MRE11: variants seen among roughly 807,000 people sequenced by gnomAD.
MRE11 encodes double-strand break repair protein MRE11.
MRE11 carries 62 observed loss-of-function variants against 91.7 expected under a neutral mutation model. The ratio of observed to expected loss-of-function variants is 0.68; its 90% CI spans 0.55 to 0.84. MRE11 has a LOEUF of 0.84. MRE11 is among the 40% of genes least tolerant of loss of function. The pLI is 0.00. For synonymous variants in MRE11, 273 were observed against 271.4 expected (o/e 1.01, Z -0.06); for missense variants, 796 against 852.9 (o/e 0.93, Z 0.83).
At position 94,467,881 on chromosome 11, in the gene MRE11, G is replaced by A. The variant is rs1591688448; in HGVS notation, c.1030C>T (p.Leu344Phe). The change falls in exon 10 of 20, where the codon CTT becomes TTT. Residue 344 changes from leucine to phenylalanine, a missense_variant. Leu to Phe is a conservative substitution (Grantham distance 22, BLOSUM62 0). Coordinates refer to ENST00000323929, the MANE Select transcript of MRE11 (RefSeq NM_005591.4). ...SFCLEKIEEM[L>F]ENAERERLGN... ...AGACGTTCCCGTTCAGCATTTTCAA[G>A]CATTTCTTCAATCTCAAAATTTTTA... The A allele has an allele frequency of 1.2e-5, 19 of 1,613,522 alleles. No individual in the cohort carries two copies. The highest frequency in any genetic ancestry group is 1.6e-5 in the Non-Finnish European group (19 of 1,179,710).
intron 18 of MRE11, among the ~76,000 whole-genome samples, chr11:94,434,390 C>A (rs1160355584): frequency 6.6e-6 from 1 of 152,016 alleles, no homozygotes; most frequent in Admixed American, 6.6e-5. Flanking sequence ...CCCTCTCAGA[C>A]TCAACCATAC....
the MRE11 span, among the ~76,000 whole-genome samples, chr11:94,507,738 G>T: frequency 1.3e-5 from 2 of 152,090 alleles, no homozygotes; most frequent in East Asian, 1.9e-4. Context: ...GGTGACTAAT[G>T]ATGTGAAGCA....
chr11:94,477,486 C>T (rs1946893398), intron 6 of MRE11, among the ~76,000 whole-genome samples: 1 of 152,072 alleles, frequency 6.6e-6, no homozygotes, highest in African/African-American at 2.4e-5. Context: ...AAAGGGTGGA[C>T]AACACTGCTA....
chr11:94,494,506 G>A (rs1048387685), upstream of MRE11, among the ~76,000 whole-genome samples: 1 of 152,144 alleles, frequency 6.6e-6, no homozygotes, highest in African/African-American at 2.4e-5. Flanking sequence ...AAGGTTTATA[G>A]CCCCGCCTAT....
chr11:94,452,196 C>CA (rs35238737), intron 14 of MRE11, among the ~76,000 whole-genome samples: 39,615 of 94,274 alleles, frequency 0.42, 6,195 homozygotes, highest in Middle Eastern at 0.53. Flanking sequence ...GACTTTGCCT[C>CA]AAAAAAAAAA....
intron 17 of MRE11, among the ~76,000 whole-genome samples, chr11:94,436,753 C>T (rs1305090059): frequency 6.6e-6 from 1 of 152,186 alleles, no homozygotes; most frequent in Non-Finnish European, 1.5e-5. Context: ...ACATGGATCG[C>T]TGGACTCCAG....
At position 94,459,574 on chromosome 11, in the gene MRE11, T is replaced by C. The variant is rs371730091; in HGVS notation, c.1334A>G (p.Gln445Arg). Residue 445 changes from glutamine (Q) to arginine (R), a missense_variant, in exon 13 of 20, where the codon CAG (glutamine) becomes CGG (arginine). Coordinates refer to ENST00000323929, the MANE Select transcript of MRE11 (RefSeq NM_005591.4). ...CCCTCTTTCTGTTAGCAGTGAGAGC[T>C]GCACATTCTGTAAGATACAAATCAC... ...QYFQTAEKNVQLSLLTERGMG... is the reference protein window; with the variant it reads ...QYFQTAEKNVRLSLLTERGMG... 1.9e-5 allele frequency: 30 copies of C among 1,613,802 alleles called. 1 individual carries two copies. In the African/African-American group the frequency reaches 3.5e-4, roughly 19 times the overall value.
intron 13 of MRE11, among the ~76,000 whole-genome samples, chr11:94,456,789 T>C (rs1044926114): frequency 2.0e-5 from 3 of 152,170 alleles, no homozygotes; most frequent in African/African-American, 4.8e-5. Flanking sequence ...AGATCCATTT[T>C]TATTAAGAGT....
chr11:94,476,164 G>C, intron 7 of MRE11, 125 bp downstream of exon 7: 1 of 670,344 alleles, frequency 1.5e-6, no homozygotes, highest in Non-Finnish European at 2.7e-6. Context: ...GCAAATCTAT[G>C]TTTTGTCTGA....
chr11:94,470,948 G>A (rs1266697697), intron 8 of MRE11, among the ~76,000 whole-genome samples: 2 of 151,734 alleles, frequency 1.3e-5, no homozygotes, highest in South Asian at 2.1e-4. Context: ...GTAGACTATA[G>A]TATTACATCT....
chr11:94,471,429 T>C (rs1946707537), intron 8 of MRE11, 145 bp downstream of exon 8: 4 of 750,120 alleles, frequency 5.3e-6, no homozygotes, highest in Non-Finnish European at 4.3e-6. Flanking sequence ...CTACACAGAA[T>C]GATCAATTTT....
intron 14 of MRE11, among the ~76,000 whole-genome samples, chr11:94,451,231 G>A (rs941690040): frequency 3.9e-5 from 6 of 152,106 alleles, no homozygotes; most frequent in African/African-American, 1.2e-4. Flanking sequence ...AGACTTATGA[G>A]AGAATGCTCA....
intron 3 of MRE11, among the ~76,000 whole-genome samples, chr11:94,490,344 C>A (rs1947254264): frequency 6.6e-6 from 1 of 152,190 alleles, no homozygotes; most frequent in Admixed American, 6.5e-5. Context: ...GTCTACCCTT[C>A]CTCCAAAGCC....
chr11:94,437,178 T>G lies in MRE11; in HGVS notation c.1925A>C (p.Glu642Ala). 6.2e-7 allele frequency: 1 copy of G among 1,611,676 alleles called. No homozygotes were observed. The highest frequency in any genetic ancestry group is 1.1e-5 in the South Asian group (1 of 90,524). Residue 642 changes from glutamate (E) to alanine (A), a missense_variant and splice_region_variant, in exon 17 of 20, where the codon GAG becomes GCG. Transcript: ENST00000323929. Reference protein sequence around the residue: ...SRNVTTKNYSEVIEVDESDVE... With the variant: ...SRNVTTKNYSAVIEVDESDVE... Reference sequence around the variant, plus strand: ...CAACCATAAAACTTTTTTTCTTACCTCTGAATAATTCTTAGTAGTGACATT... The same window carrying G: ...CAACCATAAAACTTTTTTTCTTACCGCTGAATAATTCTTAGTAGTGACATT...
intron 10 of MRE11, chr11:94,466,433 G>A: frequency 5.8e-6 from 3 of 515,244 alleles, no homozygotes; most frequent in South Asian, 2.8e-5. Flanking sequence ...AAAGAAACGG[G>A]AACAGATTAC....
chr11:94,507,361 T>A, the MRE11 span, among the ~76,000 whole-genome samples: 1 of 152,244 alleles, frequency 6.6e-6, no homozygotes, highest in South Asian at 2.1e-4. Flanking sequence ...TATATATACA[T>A]GATATTGTTA....
upstream of MRE11, chr11:94,496,913 C>T (rs775668757): frequency 1.9e-6 from 3 of 1,613,308 alleles, no homozygotes; most frequent in Non-Finnish European, 2.5e-6. Context: ...GGAAAAAGAC[C>T]CAAGCAGATT....
At chr11:94,478,900 T>G (rs761877151) in intron 5 of MRE11, 24 bp from the exon 6 acceptor site, 1 of 1,611,962 alleles carries the variant, frequency 6.2e-7, no homozygotes, top group African/African-American at 1.3e-5. Flanking sequence ...TTTCAAAGAA[T>G]GTTAGTGTGT....
chr11:94,452,375 C>T (rs1946133281), intron 14 of MRE11, among the ~76,000 whole-genome samples: 1 of 151,946 alleles, frequency 6.6e-6, no homozygotes, highest in Non-Finnish European at 1.5e-5. Context: ...TAATTTCTTA[C>T]CCCTTAGACT....
Sources: gnomAD v4.1 joint callset for allele counts (sites outside exome capture counted in the v4.1 genomes callset) on GRCh38, gnomAD v4.1.1 for gene constraint, MANE v1.5 for transcripts, NCBI Gene and HGNC (gene_info 2026-07-23, HGNC 2026-07-21) for gene names.